CTNNA3: variants seen among roughly 807,000 people sequenced by gnomAD.
CTNNA3 encodes the protein catenin alpha 3.
In CTNNA3, 76 loss-of-function variants were observed where a neutral mutation model predicts 95.7. The observed-to-expected ratio is 0.79, with a 90% confidence interval of 0.66 to 0.96. CTNNA3 has a LOEUF of 0.96. CTNNA3 is among the 40% of genes least tolerant of loss of function. CTNNA3 has a pLI of 0.00. For missense variants in CTNNA3, 1,191 were observed against 1,089.8 expected (o/e 1.09, Z -1.31); for synonymous variants, 431 against 374.4 (o/e 1.15, Z -1.74).
At chr10:66,668,422 A>ATATGTGTGTGTGTG (rs1554832734) in intron 9 of CTNNA3, among the ~76,000 whole-genome samples, 171 of 146,986 alleles carry the variant, frequency 1.2e-3, no homozygotes, top group Admixed American at 2.2e-3. Flanking sequence ...CAACTCTCAT[A>ATATGTGTGTGTGTG]TGTGTGTGTG....
intron 1 of CTNNA3, among the ~76,000 whole-genome samples, chr10:67,760,762 A>G (rs1048287413): frequency 6.6e-6 from 1 of 152,104 alleles, no homozygotes; most frequent in African/African-American, 2.4e-5. Context: ...TGTAAAGTGC[A>G]CAACCTACTG....
At position 66,599,590 on chromosome 10, in the gene CTNNA3, T is replaced by G. The variant is rs148739064; in HGVS notation, c.1374+22102A>C. On this transcript the variant is annotated intron_variant, in intron 10 of 17. Coordinates refer to ENST00000433211, the MANE Select transcript of CTNNA3 (RefSeq NM_013266.4). ...AAAATACAGTAACACCATATAAGCC[T>G]CTGAAAACTCATTACAGGTGTTTTT... Among the ~76,000 whole-genome samples, 85 of 152,070 alleles carry G rather than the reference T, an allele frequency of 5.6e-4. 1 individual carries two copies. Among genetic ancestry groups the G allele is most frequent in the African/African-American group, 2.0e-3 (84 of 41,534 alleles).
At chr10:66,050,639 A>C (rs1030848332) in intron 15 of CTNNA3, among the ~76,000 whole-genome samples, 2 of 152,042 alleles carry the variant, frequency 1.3e-5, no homozygotes, top group Non-Finnish European at 1.5e-5. Flanking sequence ...CAATCCTTTC[A>C]TGATGTGTTC....
chr10:66,622,407 T>C (rs1187497285), intron 9 of CTNNA3, among the ~76,000 whole-genome samples: 2 of 152,156 alleles, frequency 1.3e-5, no homozygotes, highest in Admixed American at 1.3e-4. Flanking sequence ...TTTTGAAATT[T>C]ACATTTTCTT....
chr10:67,151,555 G>T (rs959013889), intron 7 of CTNNA3, among the ~76,000 whole-genome samples: 9 of 152,134 alleles, frequency 5.9e-5, no homozygotes, highest in African/African-American at 1.4e-4. Flanking sequence ...CAGTAATATT[G>T]TGTATCCCTT....
intron 13 of CTNNA3, among the ~76,000 whole-genome samples, chr10:66,138,115 A>G (rs151184771): frequency 3.1e-4 from 47 of 152,294 alleles, no homozygotes; most frequent in African/African-American, 1.1e-3. Flanking sequence ...TTTGAAAAGT[A>G]TATGAAAGAA....
At chr10:66,246,211 G>A (rs969402875) in intron 13 of CTNNA3, among the ~76,000 whole-genome samples, 6 of 152,218 alleles carry the variant, frequency 3.9e-5, no homozygotes, top group Admixed American at 1.3e-4. Flanking sequence ...CAGGCAGCAG[G>A]AGCAGGCACT....
At chr10:66,795,479 G>T (rs1177749555) in intron 7 of CTNNA3, among the ~76,000 whole-genome samples, 2 of 152,128 alleles carry the variant, frequency 1.3e-5, no homozygotes, top group Admixed American at 1.3e-4. Flanking sequence ...AAACACATTT[G>T]CTGTCATCTA....
chr10:67,330,679 T>A (rs1841747966), intron 5 of CTNNA3, among the ~76,000 whole-genome samples: 2 of 145,088 alleles, frequency 1.4e-5, no homozygotes, highest in Non-Finnish European at 3.0e-5. Flanking sequence ...AGAGAGGAAC[T>A]GACTTGTATA....
chr10:66,050,250 T>C (rs1307221366), intron 15 of CTNNA3, among the ~76,000 whole-genome samples: 5 of 152,292 alleles, frequency 3.3e-5, no homozygotes, highest in Middle Eastern at 3.4e-3. Flanking sequence ...TATTTTCACA[T>C]GCTCATTTTT....
chr10:67,385,836 CAA>C (rs34264491), intron 5 of CTNNA3, among the ~76,000 whole-genome samples: 15 of 83,604 alleles, frequency 1.8e-4, no homozygotes, highest in Non-Finnish European at 2.3e-4. Context: ...TGAAGGATCT[CAA>C]AAAAAAAAAA....
chr10:66,552,759 A>G (rs1313396006), intron 10 of CTNNA3, among the ~76,000 whole-genome samples: 3 of 152,088 alleles, frequency 2.0e-5, no homozygotes, highest in African/African-American at 7.2e-5. Context: ...CTGAAAAATT[A>G]AACCTTTATC....
rs1024759701 is a variant in CTNNA3 at position 65,919,463 on chromosome 10, G to A, written c.*867C>T. On this transcript the variant is annotated 3_prime_UTR_variant, in exon 18 of 18. Coordinates refer to ENST00000433211, the MANE Select transcript of CTNNA3 (RefSeq NM_013266.4). ...ATGTATTTTTATGTTTGTAAAAATA[G>A]GGTCATACAGAACTTACACTTCTGT... is the stretch of plus-strand genomic sequence containing the variant. The A allele has an allele frequency of 6.6e-6, 1 of 152,100 alleles. No homozygotes were observed. The highest frequency in any genetic ancestry group is 1.5e-5 in the Non-Finnish European group (1 of 68,016). The allele number at this position is 152,100 out of a possible 1,614,324, so 9.4% of individuals were successfully genotyped here. A position where few individuals can be genotyped will look rare whatever the true frequency, so the allele number is the denominator to read the frequency against.
At chr10:66,079,582 GA>G (rs2080667554) in intron 14 of CTNNA3, among the ~76,000 whole-genome samples, 1 of 151,770 alleles carries the variant, frequency 6.6e-6, no homozygotes, top group Non-Finnish European at 1.5e-5. Context: ...ATGGAAATTT[GA>G]AAATTTCATT....
chr10:67,353,775 A>T (rs1355325344), intron 5 of CTNNA3, among the ~76,000 whole-genome samples: 1 of 151,984 alleles, frequency 6.6e-6, no homozygotes, highest in Non-Finnish European at 1.5e-5. Context: ...AAATAAGTAG[A>T]TGAATGTGTG....
At chr10:66,892,057 C>T (rs1845289708) in intron 7 of CTNNA3, among the ~76,000 whole-genome samples, 1 of 151,730 alleles carries the variant, frequency 6.6e-6, no homozygotes, top group Non-Finnish European at 1.5e-5. Context: ...AATAAAAAAC[C>T]AAAACAAAAA....
chr10:66,223,287 A>G (rs1032148889), intron 13 of CTNNA3, among the ~76,000 whole-genome samples: 1 of 152,080 alleles, frequency 6.6e-6, no homozygotes, highest in African/African-American at 2.4e-5. Flanking sequence ...TTTTTAAACT[A>G]CCTAAGTATG....
At chr10:67,487,375 C>T (rs551913343) in intron 5 of CTNNA3, among the ~76,000 whole-genome samples, 3 of 152,228 alleles carry the variant, frequency 2.0e-5, no homozygotes, top group South Asian at 4.1e-4. Flanking sequence ...CTGGCTGAGA[C>T]GCAGCTGGCC....
At chr10:66,234,890 A>G (rs902557365) in intron 13 of CTNNA3, among the ~76,000 whole-genome samples, 9 of 152,150 alleles carry the variant, frequency 5.9e-5, no homozygotes, top group Non-Finnish European at 1.0e-4. Flanking sequence ...GCTCTTTCTC[A>G]CTTTCTCATT....
Sources: gnomAD v4.1 joint callset for allele counts (sites outside exome capture counted in the v4.1 genomes callset) on GRCh38, gnomAD v4.1.1 for gene constraint, MANE v1.5 for transcripts, NCBI Gene and HGNC (gene_info 2026-07-23, HGNC 2026-07-21) for gene names.